FAAH2: variants seen among roughly 807,000 people sequenced by gnomAD.
The protein encoded by FAAH2 is fatty acid amide hydrolase 2, also known as fatty-acid amide hydrolase 2.
Under a neutral mutation model 36.9 loss-of-function variants are expected in FAAH2, and 60 were observed. The ratio of observed to expected loss-of-function variants is 1.63; its 90% confidence interval spans 1.32 to 2.02. The LOEUF (loss-of-function observed/expected upper bound fraction) is 2.02, where lower values mean the gene tolerates loss of function less well. Among genes scored for constraint, FAAH2 ranks in the 30% most tolerant of loss-of-function variants. The pLI is 0.00. For synonymous variants in FAAH2, 214 were observed against 143.8 expected, an observed-to-expected ratio of 1.49 and a Z score of -3.49; for missense variants, 689 against 397.5, an observed-to-expected ratio of 1.73 and a Z score of -6.23.
intron 3 of FAAH2, among the ~76,000 whole-genome samples, chrX:57,321,294 G>A (rs943561502): frequency 9.1e-6 from 1 of 109,768 alleles, no homozygotes; most frequent in African/African-American, 3.3e-5. Flanking sequence ...TGGACACAGG[G>A]AGGGGACCAT....
the FAAH2 span, among the ~76,000 whole-genome samples, chrX:57,169,737 A>T: frequency 1.9e-5 from 2 of 102,977 alleles, no homozygotes; most frequent in East Asian, 6.4e-4. Context: ...TGTTTTCAAC[A>T]CTTAAGACTG....
chrX:57,471,024 G>A (rs1165637996), intron 10 of FAAH2, among the ~76,000 whole-genome samples: 2 of 111,701 alleles, frequency 1.8e-5, no homozygotes, highest in South Asian at 3.8e-4. Flanking sequence ...ATGCAGAAAA[G>A]GGCTTCAACA....
the FAAH2 span, among the ~76,000 whole-genome samples, chrX:57,197,676 G>T: frequency 9.0e-6 from 1 of 111,448 alleles, no homozygotes; most frequent in Non-Finnish European, 1.9e-5. Context: ...CAGAGCTACC[G>T]GGTTCCAGGC....
intron 7 of FAAH2, among the ~76,000 whole-genome samples, chrX:57,389,235 A>G (rs2147260839): frequency 1.1e-5 from 1 of 95,195 alleles, no homozygotes; most frequent in East Asian, 3.3e-4. Flanking sequence ...CCCTAATTTT[A>G]GTACCCTTAC....
chrX:57,328,917 G>A (rs968905664), intron 3 of FAAH2, among the ~76,000 whole-genome samples: 2 of 111,444 alleles, frequency 1.8e-5, no homozygotes, highest in Admixed American at 1.9e-4. Context: ...TTGAAGGTTA[G>A]GAACCTTCTG....
chrX:57,217,973 G>T, the FAAH2 span, among the ~76,000 whole-genome samples: 2 of 111,278 alleles, frequency 1.8e-5, no homozygotes, highest in Non-Finnish European at 3.8e-5. Flanking sequence ...GTGTTTTATA[G>T]TTTTCCTTGA....
intron 8 of FAAH2, among the ~76,000 whole-genome samples, chrX:57,438,600 T>G (rs890406096): frequency 4.5e-5 from 5 of 110,411 alleles, no homozygotes; most frequent in Non-Finnish European, 9.5e-5. Flanking sequence ...ATTTTTATTT[T>G]TATTTCTATT....
At chrX:57,280,351 A>G in the FAAH2 span, among the ~76,000 whole-genome samples, 1 of 111,562 alleles carries the variant, frequency 9.0e-6, no homozygotes, top group Non-Finnish European at 1.9e-5. Context: ...GACTTTAATT[A>G]AAAAACCTTA....
chrX:57,342,436 G>A (rs2053711267), intron 5 of FAAH2, among the ~76,000 whole-genome samples: 1 of 111,066 alleles, frequency 9.0e-6, no homozygotes, highest in African/African-American at 3.3e-5. Flanking sequence ...CTTAATACCT[G>A]GATGATGAAA....
At chrX:57,347,604 G>GTT (rs61323098) in intron 5 of FAAH2, among the ~76,000 whole-genome samples, 2 of 77,886 alleles carry the variant, frequency 2.6e-5, no homozygotes, top group African/African-American at 1.3e-4. Context: ...GGGATGCTAA[G>GTT]TTTTTTTTTT....
intron 10 of FAAH2, among the ~76,000 whole-genome samples, chrX:57,470,117 T>A (rs752560785): frequency 4.4e-4 from 49 of 111,545 alleles, no homozygotes; most frequent in Non-Finnish European, 7.7e-4. Flanking sequence ...GAGGGAAATT[T>A]ATAGCACTAA....
the FAAH2 span, among the ~76,000 whole-genome samples, chrX:57,253,327 C>T: frequency 1.8e-5 from 2 of 111,077 alleles, no homozygotes; most frequent in African/African-American, 6.5e-5. Context: ...AGAATGGAAA[C>T]AAGTTGGAAA....
chrX:57,155,196 G>A, the FAAH2 span, among the ~76,000 whole-genome samples: 2 of 111,627 alleles, frequency 1.8e-5, no homozygotes, highest in African/African-American at 6.5e-5. Flanking sequence ...GAGATATGGA[G>A]GATCAGGTGG....
intron 10 of FAAH2, among the ~76,000 whole-genome samples, chrX:57,461,836 TA>T (rs760860571): frequency 1.0e-4 from 11 of 109,362 alleles, no homozygotes; most frequent in African/African-American, 2.3e-4. Flanking sequence ...AAAAAAACTT[TA>T]AAAAAAATCA....
At chrX:57,237,492 A>G in the FAAH2 span, among the ~76,000 whole-genome samples, 1 of 111,240 alleles carries the variant, frequency 9.0e-6, no homozygotes, top group African/African-American at 3.3e-5. Context: ...TACTAGAAGT[A>G]TTTGTAATTT....
chrX:57,393,839 G>A (rs1429195067), intron 7 of FAAH2: 5 of 877,078 alleles, frequency 5.7e-6, no homozygotes, highest in Non-Finnish European at 6.8e-6. Context: ...TCTATCATTG[G>A]TATTCAACAC....
At chrX:57,352,976 C>T (rs188304157) in intron 5 of FAAH2, among the ~76,000 whole-genome samples, 3 of 110,754 alleles carry the variant, frequency 2.7e-5, no homozygotes, top group East Asian at 2.8e-4. Context: ...AATGGAAGAA[C>T]ATTCTATGCT....
chrX:57,336,701 G>A (rs2053560394), intron 4 of FAAH2, among the ~76,000 whole-genome samples: 1 of 111,667 alleles, frequency 9.0e-6, no homozygotes, highest in Non-Finnish European at 1.9e-5. Context: ...AAACTAATGA[G>A]AACAAAGACA....
chrX:57,191,196 T>G, the FAAH2 span, among the ~76,000 whole-genome samples: 1 of 112,229 alleles, frequency 8.9e-6, no homozygotes, highest in African/African-American at 3.2e-5. Context: ...TGGAGTGAGA[T>G]AGTATCTCAT....
Sources: gnomAD v4.1 joint callset for allele counts (sites outside exome capture counted in the v4.1 genomes callset) on GRCh38, gnomAD v4.1.1 for gene constraint, MANE v1.5 for transcripts, NCBI Gene and HGNC (gene_info 2026-07-23, HGNC 2026-07-21) for gene names.